The following IL22RA1 variants were observed in gnomAD, a reference collection of about 807,000 sequenced individuals.
IL22RA1 encodes interleukin 22 receptor subunit alpha 1, also known as interleukin-22 receptor subunit alpha-1.
IL22RA1 carries 25 observed loss-of-function variants against 32.8 expected under a neutral mutation model. The ratio of observed to expected loss-of-function variants is 0.76; its 90% CI spans 0.55 to 1.06. The LOEUF (loss-of-function observed/expected upper bound fraction) is 1.06, where lower values mean the gene tolerates loss of function less well. Among genes scored for constraint, IL22RA1 ranks in the 50% least tolerant of loss-of-function variants. The pLI is 0.00. For missense variants in IL22RA1, 709 were observed against 727.4 expected (o/e 0.97, Z 0.29); for synonymous variants, 305 against 305.0 (o/e 1.00, Z 0.00).
rs537373224 is a variant in IL22RA1, at chr1:24,128,289, A to T, written c.532-10T>A. The T allele has an allele frequency of 2.0e-4, 315 of 1,613,476 alleles. 4 individuals carry two copies. In the South Asian group the frequency reaches 3.2e-3, roughly 16 times the overall value. Reference sequence around the variant, plus strand: ...GCTTCCCTCCAAGGTGCTGAATTGGACAGAGAATGGAATGTGATTCCTGTT... The same window carrying T: ...GCTTCCCTCCAAGGTGCTGAATTGGTCAGAGAATGGAATGTGATTCCTGTT... On this transcript the variant is annotated splice_polypyrimidine_tract_variant and intron_variant, in intron 4 of 6. Transcript: ENST00000270800.
At chr1:24,140,744 G>A (rs928076441) in intron 1 of IL22RA1, among the ~76,000 whole-genome samples, 8 of 152,354 alleles carry the variant, frequency 5.3e-5, no homozygotes, top group East Asian at 1.9e-4. Flanking sequence ...GGAAAATGGC[G>A]GCCCAAGCTG....
intron 4 of IL22RA1, among the ~76,000 whole-genome samples, chr1:24,130,527 G>A (rs901563639): frequency 3.3e-5 from 5 of 151,972 alleles, no homozygotes; most frequent in Non-Finnish European, 2.9e-5. Flanking sequence ...TACCAAAACC[G>A]GATGAAACCA....
At position 24,123,426 on chromosome 1, in the gene IL22RA1, G is replaced by A. The variant is rs1644139671; in HGVS notation, c.671-3C>T. 1 of 1,612,840 alleles carries A rather than the reference G, an allele frequency of 6.2e-7. No homozygotes were observed. The highest frequency in any genetic ancestry group is 8.5e-7 in the Non-Finnish European group (1 of 1,179,526). On this transcript the variant is annotated splice_region_variant and splice_polypyrimidine_tract_variant and intron_variant, in intron 5 of 6. Coordinates refer to ENST00000270800, the MANE Select transcript of IL22RA1 (RefSeq NM_021258.4). Reference sequence around the variant, plus strand: ...GAAGGAGTAGGTCCATGTCCGGTCTGGGAAACCAAAGGGGCCAGAGAAGGA... The same window carrying A: ...GAAGGAGTAGGTCCATGTCCGGTCTAGGAAACCAAAGGGGCCAGAGAAGGA...
intron 4 of IL22RA1, among the ~76,000 whole-genome samples, chr1:24,131,757 T>A (rs978935691): frequency 6.6e-6 from 1 of 152,158 alleles, no homozygotes; most frequent in African/African-American, 2.4e-5. Flanking sequence ...ACACAATTAA[T>A]CACCTTTACC....
At chr1:24,137,872 C>T (rs913169233) in intron 2 of IL22RA1, among the ~76,000 whole-genome samples, 5 of 152,280 alleles carry the variant, frequency 3.3e-5, no homozygotes, top group Middle Eastern at 3.4e-3. Context: ...AAATTGCCCA[C>T]GTGTTTGAAG....
intron 1 of IL22RA1, among the ~76,000 whole-genome samples, chr1:24,139,450 C>A (rs867169584): frequency 6.6e-6 from 1 of 152,144 alleles, no homozygotes; most frequent in South Asian, 2.1e-4. Flanking sequence ...GGGTATATAT[C>A]TAAGAGTGGA....
chr1:24,121,684 G>T lies in IL22RA1; in HGVS notation c.846C>A (p.Val282=), dbSNP rs1478916092. 6.3e-7 allele frequency: 1 copy of T among 1,592,858 alleles called. No individual in the cohort carries two copies. Among genetic ancestry groups the T allele is most frequent in the African/African-American group, 1.3e-5 (1 of 74,272 alleles). ...CGCTGAGGTCAAAGACAGGGATCAG[G>T]ACGTGCTCCTGGATGAAGCGCAGCG... ...FQPLRFIQEH[V]LIPVFDLSGP... The change falls in exon 7 of 7, where the codon GTC becomes GTA. Residue 282 remains valine, a synonymous_variant. Transcript: ENST00000270800.
chr1:24,120,436 C>T lies in IL22RA1; in HGVS notation c.*369G>A, dbSNP rs764050175. 6.3e-5 allele frequency: 12 copies of T among 191,776 alleles called. No homozygotes were observed. Among genetic ancestry groups the T allele is most frequent in the African/African-American group, 2.6e-4 (11 of 42,806 alleles). 11.9% of individuals were successfully genotyped at this position (191,776 alleles called of 1,614,324 possible). On this transcript the variant is annotated 3_prime_UTR_variant, in exon 7 of 7. Coordinates refer to ENST00000270800, the MANE Select transcript of IL22RA1 (RefSeq NM_021258.4). ...ATTGTGAAACTGGCCAGGAATGGGG[C>T]AAGGAGAGGCAAATTCCCTGAGCAC...
At chr1:24,128,864 C>A (rs1644183221) in intron 4 of IL22RA1, among the ~76,000 whole-genome samples, 1 of 152,182 alleles carries the variant, frequency 6.6e-6, no homozygotes, top group Non-Finnish European at 1.5e-5. Flanking sequence ...CATTATAATG[C>A]TCTTCTATTC....
In IL22RA1 at chr1:24,128,189, A is replaced by G; in HGVS notation, c.622T>C (p.Trp208Arg). 3.1e-6 allele frequency: 5 copies of G among 1,600,248 alleles called. No individual in the cohort carries two copies. Among genetic ancestry groups the G allele is most frequent in the Non-Finnish European group, 4.3e-6 (5 of 1,173,168 alleles). Residue 208 changes from tryptophan to arginine, a missense_variant, in exon 5 of 7, where the codon TGG becomes CGG. Trp to Arg is a moderately radical substitution (Grantham distance 101, BLOSUM62 -3). Coordinates refer to ENST00000270800, the MANE Select transcript of IL22RA1 (RefSeq NM_021258.4). ...ATGTAGGGGGCACTCTCCTTGGCCC[A>G]GGTGGGAACGCAAATCATGATGGTG... ...LGTIMICVPT[W>R]AKESAPYMCR...
intron 4 of IL22RA1, among the ~76,000 whole-genome samples, chr1:24,133,851 T>C (rs1012219193): frequency 2.5e-4 from 38 of 152,162 alleles, no homozygotes; most frequent in African/African-American, 8.9e-4. Flanking sequence ...CACACCAGCA[T>C]GGCACATGTA....
At chr1:24,130,218 C>T (rs1470855255) in intron 4 of IL22RA1, among the ~76,000 whole-genome samples, 2 of 152,144 alleles carry the variant, frequency 1.3e-5, no homozygotes, top group East Asian at 3.9e-4. Context: ...GAAGGCAGAC[C>T]TCAGTCTACA....
chr1:24,142,058 A>G (rs1192675163), intron 1 of IL22RA1, among the ~76,000 whole-genome samples: 1 of 152,090 alleles, frequency 6.6e-6, no homozygotes, highest in African/African-American at 2.4e-5. Flanking sequence ...TCTAACCAGT[A>G]TGGCTGAGGG....
chr1:24,138,614 G>A lies in IL22RA1; in HGVS notation c.144C>T (p.Thr48=). 6.2e-7 allele frequency: 1 copy of A among 1,614,134 alleles called. No individual in the cohort carries two copies. The highest frequency in any genetic ancestry group is 8.5e-7 in the Non-Finnish European group (1 of 1,180,030). The change falls in exon 2 of 7, where the codon ACC becomes ACT. Residue 48 remains threonine (T), a synonymous_variant. Transcript: ENST00000270800. ...ILTWDSGPEG[T]PDTVYSIEYK... ...ACTCGATGCTGTAGACCGTGTCTGGGGTGCCCTCCGGCCCGCTGTCCCACG... is the reference window on the plus strand; with the variant it reads ...ACTCGATGCTGTAGACCGTGTCTGGAGTGCCCTCCGGCCCGCTGTCCCACG...
At chr1:24,125,285 C>A (rs974961406) in intron 5 of IL22RA1, among the ~76,000 whole-genome samples, 1 of 152,082 alleles carries the variant, frequency 6.6e-6, no homozygotes, top group African/African-American at 2.4e-5. Context: ...GTGACCTGAC[C>A]AAGGTCACAC....
At chr1:24,131,785 G>A (rs563980849) in intron 4 of IL22RA1, among the ~76,000 whole-genome samples, 21 of 152,008 alleles carry the variant, frequency 1.4e-4, no homozygotes, top group Middle Eastern at 3.5e-3. Flanking sequence ...TATTTATAGC[G>A]CACTCCACCA....
Position 24,123,367 on chromosome 1 carries a change from C to A in IL22RA1, c.727G>T (p.Val243Phe), listed in dbSNP as rs199840960. ...TAGCTCAGGTAGCAGAGTACTGCGA[C>A]GAGGAAGCCCATGGAGAACAGGAAG... Reference protein sequence around the residue: ...GAFLFSMGFLVAVLCYLSYRY... With the variant: ...GAFLFSMGFLFAVLCYLSYRY... The change falls in exon 6 of 7, where the codon GTC (valine) becomes TTC (phenylalanine). Residue 243 changes from valine to phenylalanine, a missense_variant. Physicochemically the swap from Val to Phe is conservative, Grantham distance 50. Transcript: ENST00000270800. 5 of 1,614,024 alleles carry A rather than the reference C, an allele frequency of 3.1e-6. No individual in the cohort carries two copies. Among genetic ancestry groups the A allele is most frequent in the Non-Finnish European group, 3.4e-6 (4 of 1,180,008 alleles).
Position 24,121,239 on chromosome 1 carries a change from G to T in IL22RA1, c.1291C>A (p.Leu431Ile). The T allele has an allele frequency of 6.2e-7, 1 of 1,614,222 alleles. No individual in the cohort carries two copies. Among genetic ancestry groups the T allele is most frequent in the South Asian group, 1.1e-5 (1 of 91,084 alleles). The stretch of plus-strand genomic sequence containing the variant: ...CTTCCAGCTGGTGGCTCTTTCTGAA[G>T]CTGACCTTTAGGCCTAAGGTGTTTA... ...SPKHLRPKGQ[L>I]QKEPPAGSCM... The change falls in exon 7 of 7, where the codon CTT becomes ATT. Residue 431 changes from leucine (L) to isoleucine (I), a missense_variant. Coordinates refer to ENST00000270800, the MANE Select transcript of IL22RA1 (RefSeq NM_021258.4).
At chr1:24,123,581 A>G (rs1436512750) in intron 5 of IL22RA1, 158 bp from the exon 6 acceptor site, 2 of 1,418,146 alleles carry the variant, frequency 1.4e-6, no homozygotes, top group East Asian at 2.5e-5. Flanking sequence ...GGAAGTCCAT[A>G]TACTGTACAT....
Sources: gnomAD v4.1 joint callset for allele counts (sites outside exome capture counted in the v4.1 genomes callset) on GRCh38, gnomAD v4.1.1 for gene constraint, MANE v1.5 for transcripts, NCBI Gene and HGNC (gene_info 2026-07-23, HGNC 2026-07-21) for gene names.